Variants in SGCZ observed in about 807,000 individuals in gnomAD.
SGCZ encodes the protein zeta-sarcoglycan.
SGCZ carries 40 observed loss-of-function variants against 41.3 expected under a neutral mutation model. That is an observed-to-expected ratio of 0.97 (90% CI 0.75 to 1.26). SGCZ has a LOEUF of 1.26. Ranked by LOEUF, SGCZ falls within the 50% of genes most tolerant of loss-of-function variation. The pLI, the probability that SGCZ is intolerant of heterozygous loss-of-function variation, is 0.00. For synonymous variants in SGCZ, 206 were observed against 137.5 expected (o/e 1.50, Z -3.49); for missense variants, 552 against 369.8 (o/e 1.49, Z -4.04).
chr8:15,050,322 G>T (rs573864543), intron 1 of SGCZ, among the ~76,000 whole-genome samples: 10 of 152,246 alleles, frequency 6.6e-5, no homozygotes, highest in African/African-American at 2.4e-4. Flanking sequence ...GTAGTTCAGA[G>T]GAGAGGTTTA....
intron 1 of SGCZ, among the ~76,000 whole-genome samples, chr8:14,580,508 A>C (rs528386300): frequency 1.8e-4 from 27 of 152,354 alleles, no homozygotes; most frequent in African/African-American, 6.3e-4. Flanking sequence ...AAATATTTAG[A>C]GGATAGTGTT....
At chr8:14,567,820 A>C (rs766484615) in intron 1 of SGCZ, among the ~76,000 whole-genome samples, 1 of 152,132 alleles carries the variant, frequency 6.6e-6, no homozygotes, top group South Asian at 2.1e-4. Flanking sequence ...CCACCTTAAG[A>C]GCTGTAACAC....
At chr8:15,001,682 T>C (rs917232067) in intron 1 of SGCZ, among the ~76,000 whole-genome samples, 5 of 141,282 alleles carry the variant, frequency 3.5e-5, no homozygotes, top group Non-Finnish European at 7.5e-5. Context: ...TGAGCCGAGA[T>C]TGCACCACTG....
At chr8:14,688,433 A>G (rs1808689284) in intron 1 of SGCZ, among the ~76,000 whole-genome samples, 1 of 152,094 alleles carries the variant, frequency 6.6e-6, no homozygotes, top group East Asian at 1.9e-4. Flanking sequence ...TTTTCCCAGC[A>G]CCATTTATTA....
At chr8:14,384,764 T>A (rs935175117) in intron 2 of SGCZ, among the ~76,000 whole-genome samples, 2 of 152,166 alleles carry the variant, frequency 1.3e-5, no homozygotes, top group Non-Finnish European at 2.9e-5. Context: ...TTGGCCGGGC[T>A]GGTCTTGAAC....
intron 1 of SGCZ, among the ~76,000 whole-genome samples, chr8:14,936,968 A>G (rs1051627504): frequency 6.6e-6 from 1 of 151,896 alleles, no homozygotes; most frequent in Admixed American, 6.6e-5. Context: ...AAAAAACACA[A>G]TATTTCAAAT....
intron 1 of SGCZ, among the ~76,000 whole-genome samples, chr8:15,117,048 A>C (rs1807293992): frequency 6.6e-6 from 1 of 152,232 alleles, no homozygotes; most frequent in South Asian, 2.1e-4. Context: ...TAACACTGTA[A>C]CAATTTATTT....
chr8:14,713,745 G>A (rs1296242718), intron 1 of SGCZ, among the ~76,000 whole-genome samples: 1 of 150,886 alleles, frequency 6.6e-6, no homozygotes, highest in African/African-American at 2.4e-5. Context: ...AGAAATTTCA[G>A]CCCATTGATT....
At chr8:14,540,640 C>T (rs1228100395) in intron 2 of SGCZ, among the ~76,000 whole-genome samples, 1 of 151,710 alleles carries the variant, frequency 6.6e-6, no homozygotes, top group Non-Finnish European at 1.5e-5. Context: ...TGTTTAACTA[C>T]TTTGATTAAT....
intron 1 of SGCZ, among the ~76,000 whole-genome samples, chr8:14,652,428 C>A (rs924138316): frequency 6.6e-6 from 1 of 150,804 alleles, no homozygotes; most frequent in Non-Finnish European, 1.5e-5. Context: ...CCTATGAAGA[C>A]AATGATATCT....
At chr8:14,126,253 G>A (rs1335972318) in intron 5 of SGCZ, among the ~76,000 whole-genome samples, 4 of 152,078 alleles carry the variant, frequency 2.6e-5, no homozygotes, top group African/African-American at 4.8e-5. Context: ...CTAACATCCC[G>A]AATTTACAAG....
At chr8:14,765,344 C>T (rs1003224878) in intron 1 of SGCZ, among the ~76,000 whole-genome samples, 7 of 152,162 alleles carry the variant, frequency 4.6e-5, no homozygotes, top group Non-Finnish European at 1.0e-4. Flanking sequence ...TTTTAAATTA[C>T]TGTCAAGGGG....
At chr8:14,775,399 T>A (rs1404875173) in intron 1 of SGCZ, among the ~76,000 whole-genome samples, 1 of 152,034 alleles carries the variant, frequency 6.6e-6, no homozygotes, top group Admixed American at 6.6e-5. Context: ...ATCATTCACT[T>A]ACCTAATTAT....
intron 3 of SGCZ, among the ~76,000 whole-genome samples, chr8:14,282,637 G>A (rs1219711348): frequency 1.3e-5 from 2 of 152,070 alleles, no homozygotes; most frequent in African/African-American, 4.8e-5. Context: ...ACCACTTTCA[G>A]AATCACAAAC....
At chr8:14,149,786 G>T (rs1278854858) in intron 5 of SGCZ, among the ~76,000 whole-genome samples, 2 of 152,032 alleles carry the variant, frequency 1.3e-5, no homozygotes, top group Non-Finnish European at 2.9e-5. Context: ...ATACTGTGGA[G>T]CTACAGCAAC....
chr8:14,358,123 A>T (rs929399814), intron 2 of SGCZ, among the ~76,000 whole-genome samples: 1 of 152,118 alleles, frequency 6.6e-6, no homozygotes, highest in African/African-American at 2.4e-5. Flanking sequence ...CCCCTTATGT[A>T]TTTGTGTGTT....
intron 7 of SGCZ, among the ~76,000 whole-genome samples, chr8:14,093,864 T>C (rs59064758): frequency 0.12 from 18,858 of 152,134 alleles, 1,388 homozygotes; most frequent in African/African-American, 0.22. Context: ...CTTTTCTCTA[T>C]AGTAAAAATC....
chr8:14,592,207 G>T (rs1805263040), intron 1 of SGCZ, among the ~76,000 whole-genome samples: 1 of 152,060 alleles, frequency 6.6e-6, no homozygotes, highest in African/African-American at 2.4e-5. Context: ...CCAGGCCTTA[G>T]ATTCCTAGTT....
intron 1 of SGCZ, among the ~76,000 whole-genome samples, chr8:14,563,053 T>C (rs1288252153): frequency 6.6e-6 from 1 of 152,146 alleles, no homozygotes; most frequent in Non-Finnish European, 1.5e-5. Flanking sequence ...AGGACTCACA[T>C]CAGCTTATGA....
Sources: allele counts gnomAD v4.1 joint callset (sites outside exome capture counted in the v4.1 genomes callset), GRCh38; gene constraint gnomAD v4.1.1; transcripts MANE v1.5; gene names NCBI Gene and HGNC (gene_info 2026-07-23, HGNC 2026-07-21).